The following SGCZ variants were observed in gnomAD, a reference collection of about 807,000 sequenced individuals.
SGCZ encodes the protein zeta-sarcoglycan.
Under a neutral mutation model 41.3 loss-of-function variants are expected in SGCZ, and 40 were observed. The observed-to-expected ratio is 0.97, with a 90% CI of 0.75 to 1.26. SGCZ has a LOEUF of 1.26. SGCZ is among the 50% of genes most tolerant of loss of function. The pLI is 0.00. For missense variants in SGCZ, 552 were observed against 369.8 expected (o/e 1.49, Z -4.04); for synonymous variants, 206 against 137.5 (o/e 1.50, Z -3.49).
chr8:15,185,214 G>A (rs1055800205), intron 1 of SGCZ, among the ~76,000 whole-genome samples: 8 of 152,092 alleles, frequency 5.3e-5, no homozygotes, highest in East Asian at 3.9e-4. Flanking sequence ...GGAAAGCCAG[G>A]GCTTGAAGTC....
At chr8:14,943,895 G>A (rs1418910432) in intron 1 of SGCZ, among the ~76,000 whole-genome samples, 1 of 152,126 alleles carries the variant, frequency 6.6e-6, no homozygotes, top group East Asian at 1.9e-4. Flanking sequence ...CCATGTTACT[G>A]CAAAGGACGT....
chr8:14,102,325 TG>T (rs1488555490), intron 7 of SGCZ, 50 bp downstream of exon 7: 1 of 1,354,712 alleles, frequency 7.4e-7, no homozygotes, highest in African/African-American at 1.5e-5. Flanking sequence ...TAAATACTTG[TG>T]TTTTCAAAGT....
chr8:14,564,495 G>GC (rs1563413991), intron 1 of SGCZ, among the ~76,000 whole-genome samples: 8 of 152,122 alleles, frequency 5.3e-5, no homozygotes, highest in Non-Finnish European at 1.2e-4. Flanking sequence ...TTTCCTCAAA[G>GC]CTCAAATGCA....
At chr8:14,968,670 A>AGGAGGT (rs1168397477) in intron 1 of SGCZ, among the ~76,000 whole-genome samples, 1 of 152,128 alleles carries the variant, frequency 6.6e-6, no homozygotes, top group Non-Finnish European at 1.5e-5. Flanking sequence ...TGGTAAGAGG[A>AGGAGGT]GGAGGTTTAA....
chr8:14,958,907 C>T (rs1800878351), intron 1 of SGCZ, among the ~76,000 whole-genome samples: 1 of 152,062 alleles, frequency 6.6e-6, no homozygotes, highest in Non-Finnish European at 1.5e-5. Context: ...ACAGTAATTA[C>T]AGAATCTGTG....
intron 1 of SGCZ, among the ~76,000 whole-genome samples, chr8:14,914,530 G>GA (rs34355003): frequency 0.15 from 22,277 of 149,788 alleles, 2,443 homozygotes; most frequent in African/African-American, 0.31. Flanking sequence ...AAGAGACAGT[G>GA]AAAAAAAAAT....
chr8:15,157,500 C>T (rs1408097926), intron 1 of SGCZ, among the ~76,000 whole-genome samples: 1 of 151,986 alleles, frequency 6.6e-6, no homozygotes, highest in South Asian at 2.1e-4. Flanking sequence ...ACAATGACAA[C>T]AAGAACCATT....
intron 1 of SGCZ, among the ~76,000 whole-genome samples, chr8:15,200,534 A>T (rs1162010888): frequency 6.6e-6 from 1 of 152,178 alleles, no homozygotes; most frequent in Non-Finnish European, 1.5e-5. Context: ...GCCTAATGGT[A>T]TGATATGACA....
chr8:14,999,081 A>C (rs140565137), intron 1 of SGCZ, among the ~76,000 whole-genome samples: 8 of 152,314 alleles, frequency 5.3e-5, no homozygotes, highest in East Asian at 1.9e-4. Flanking sequence ...CAACACCTTT[A>C]GGGTGTTATC....
intron 2 of SGCZ, among the ~76,000 whole-genome samples, chr8:14,352,435 T>C (rs1420666889): frequency 6.6e-6 from 1 of 152,056 alleles, no homozygotes; most frequent in African/African-American, 2.4e-5. Context: ...TAAGTTTGTG[T>C]AGTTTTATAA....
At chr8:14,368,901 A>G (rs1214087815) in intron 2 of SGCZ, among the ~76,000 whole-genome samples, 2 of 151,950 alleles carry the variant, frequency 1.3e-5, no homozygotes, top group African/African-American at 4.8e-5. Context: ...TGGGAAGTCA[A>G]TATAAGAGTA....
At chr8:14,214,694 G>A (rs1431870897) in intron 4 of SGCZ, among the ~76,000 whole-genome samples, 1 of 140,022 alleles carries the variant, frequency 7.1e-6, no homozygotes, top group African/African-American at 2.4e-5. Flanking sequence ...CATGCTAACA[G>A]TAATTTTTTT....
intron 2 of SGCZ, among the ~76,000 whole-genome samples, chr8:14,536,731 C>T (rs903571631): frequency 6.6e-6 from 1 of 151,686 alleles, no homozygotes; most frequent in South Asian, 2.1e-4. Flanking sequence ...TGTAGAAGAT[C>T]ATGAGGAATA....
rs182646421 is a variant in SGCZ at position 15,165,261 on chromosome 8, G to T, written c.39+72324C>A. ...GAGATCACGCCACTGCTGCACTCCA[G>T]CCTGGGACAGAGCGAGACTCTGTCC... On this transcript the variant is annotated intron_variant, in intron 1 of 7. Coordinates refer to ENST00000382080, the MANE Select transcript of SGCZ (RefSeq NM_139167.4). Among the ~76,000 whole-genome samples, 4 of 152,272 alleles carry T rather than the reference G, an allele frequency of 2.6e-5. No homozygotes were observed. In the East Asian group the frequency reaches 7.7e-4, roughly 29 times the overall value.
intron 4 of SGCZ, among the ~76,000 whole-genome samples, chr8:14,202,213 A>G (rs1160943369): frequency 2.0e-5 from 3 of 152,218 alleles, no homozygotes; most frequent in Non-Finnish European, 4.4e-5. Context: ...TCATCCAGCC[A>G]TTGCTGACTT....
intron 2 of SGCZ, among the ~76,000 whole-genome samples, chr8:14,482,692 T>TC (rs1801567248): frequency 6.6e-6 from 1 of 151,900 alleles, no homozygotes; most frequent in Non-Finnish European, 1.5e-5. Context: ...CAGATGGCCC[T>TC]CCCCAATGAG....
intron 1 of SGCZ, among the ~76,000 whole-genome samples, chr8:15,121,151 T>C (rs1807462638): frequency 6.6e-6 from 1 of 152,220 alleles, no homozygotes; most frequent in African/African-American, 2.4e-5. Context: ...AATTCCATCT[T>C]ACCCTTCTTT....
At chr8:14,618,758 C>T (rs555972248) in intron 1 of SGCZ, among the ~76,000 whole-genome samples, 3 of 152,054 alleles carry the variant, frequency 2.0e-5, no homozygotes, top group South Asian at 2.1e-4. Context: ...TAATAGCCAC[C>T]GAGGTCATGT....
At chr8:15,233,134 T>C (rs936994826) in intron 1 of SGCZ, among the ~76,000 whole-genome samples, 1 of 151,896 alleles carries the variant, frequency 6.6e-6, no homozygotes, top group African/African-American at 2.4e-5. Flanking sequence ...TTCACAAATA[T>C]GTTTCATCTT....
Sources: allele counts gnomAD v4.1 joint callset (sites outside exome capture counted in the v4.1 genomes callset), GRCh38; gene constraint gnomAD v4.1.1; transcripts MANE v1.5; gene names NCBI Gene and HGNC (gene_info 2026-07-23, HGNC 2026-07-21).